SCD5: variants seen among roughly 807,000 people sequenced by gnomAD.
SCD5 encodes the protein acyl-CoA-desaturase 4.
Under a neutral mutation model 30.4 loss-of-function variants are expected in SCD5, and 20 were observed. The observed-to-expected ratio is 0.66, with a 90% confidence interval of 0.46 to 0.96. The LOEUF (loss-of-function observed/expected upper bound fraction) is 0.96. Ranked by LOEUF, SCD5 falls within the 40% of genes least tolerant of loss-of-function variation. The pLI, the probability that SCD5 is intolerant of heterozygous loss-of-function variation, is 0.00. For synonymous variants in SCD5, 173 were observed against 176.4 expected, an observed-to-expected ratio of 0.98 and a Z score of 0.16; for missense variants, 381 against 443.3, an observed-to-expected ratio of 0.86 and a Z score of 1.26.
chr4:82,699,340 T>C (rs1216041044), intron 2 of SCD5, among the ~76,000 whole-genome samples: 1 of 152,188 alleles, frequency 6.6e-6, no homozygotes, highest in Non-Finnish European at 1.5e-5. Context: ...TTTTCTCGCC[T>C]ATCAAATGAG....
At chr4:82,681,299 C>T (rs1380794609) in intron 2 of SCD5, among the ~76,000 whole-genome samples, 2 of 152,104 alleles carry the variant, frequency 1.3e-5, no homozygotes, top group Admixed American at 6.5e-5. Flanking sequence ...TGTAAACATA[C>T]CACATTTTCT....
chr4:82,789,151 G>C (rs1189410654), intron 1 of SCD5, among the ~76,000 whole-genome samples: 1 of 152,142 alleles, frequency 6.6e-6, no homozygotes, highest in Non-Finnish European at 1.5e-5. Context: ...CATGCACAGA[G>C]TCTCCTTGCT....
chr4:82,656,580 T>C (rs962573923), intron 3 of SCD5, among the ~76,000 whole-genome samples: 11 of 152,238 alleles, frequency 7.2e-5, no homozygotes, highest in Non-Finnish European at 1.2e-4. Context: ...TGTGTCTTTA[T>C]AGTAGAATGA....
intron 3 of SCD5, among the ~76,000 whole-genome samples, chr4:82,645,971 A>G (rs934673481): frequency 1.3e-5 from 2 of 152,174 alleles, no homozygotes; most frequent in African/African-American, 4.8e-5. Flanking sequence ...CCCTAAACAC[A>G]GCAGTCCAGA....
chr4:82,789,234 C>A (rs1722049673), intron 1 of SCD5, among the ~76,000 whole-genome samples: 1 of 152,142 alleles, frequency 6.6e-6, no homozygotes, highest in Non-Finnish European at 1.5e-5. Context: ...CTGCTGCCGG[C>A]TGAAAGATTT....
At chr4:82,648,818 T>C (rs985294793) in intron 3 of SCD5, among the ~76,000 whole-genome samples, 5 of 152,104 alleles carry the variant, frequency 3.3e-5, no homozygotes, top group African/African-American at 1.2e-4. Context: ...CAAGAACACA[T>C]GGGCTCTCGG....
At chr4:82,646,184 G>A (rs1490314283) in intron 3 of SCD5, among the ~76,000 whole-genome samples, 7 of 152,136 alleles carry the variant, frequency 4.6e-5, no homozygotes, top group Non-Finnish European at 1.0e-4. Flanking sequence ...TAACATGTTT[G>A]GATTTTTATT....
intron 3 of SCD5, among the ~76,000 whole-genome samples, chr4:82,671,525 G>C (rs1238870018): frequency 1.3e-5 from 2 of 152,096 alleles, no homozygotes; most frequent in Non-Finnish European, 2.9e-5. Flanking sequence ...TAAAAGAATA[G>C]AAATTATACA....
intron 3 of SCD5, among the ~76,000 whole-genome samples, chr4:82,653,956 C>A (rs1339921925): frequency 6.6e-6 from 1 of 151,184 alleles, no homozygotes; most frequent in Non-Finnish European, 1.5e-5. Context: ...CCTGCTCTGT[C>A]ACCCAGGCTG....
At chr4:82,742,682 G>A (rs1720901567) in intron 1 of SCD5, among the ~76,000 whole-genome samples, 1 of 152,192 alleles carries the variant, frequency 6.6e-6, no homozygotes, top group African/African-American at 2.4e-5. Flanking sequence ...AGCTACTCAG[G>A]TGGCTGAGGC....
intron 1 of SCD5, among the ~76,000 whole-genome samples, chr4:82,796,656 TCTGAACACCACAG>T (rs1298502087): frequency 1.3e-5 from 2 of 152,106 alleles, no homozygotes; most frequent in Non-Finnish European, 2.9e-5. Flanking sequence ...CTGAGCACTC[TCTGAACACCACAG>T]CTATTAAAGA....
intron 1 of SCD5, among the ~76,000 whole-genome samples, chr4:82,734,669 TC>T (rs2148836775): frequency 6.6e-6 from 1 of 152,112 alleles, no homozygotes; most frequent in African/African-American, 2.4e-5. Context: ...TAACTTCTCA[TC>T]CTGCCATGTA....
intron 1 of SCD5, among the ~76,000 whole-genome samples, chr4:82,706,545 T>G (rs978136208): frequency 1.3e-5 from 2 of 152,262 alleles, no homozygotes; most frequent in Non-Finnish European, 2.9e-5. Flanking sequence ...AATTTGGCCA[T>G]GTGACCTGGC....
rs544446052 is a variant in SCD5, at chr4:82,732,133, C to T, written c.233-26720G>A. The stretch of plus-strand genomic sequence containing the variant: ...TTTTCTTTTTTGAGACGGAGTCTTG[C>T]TCTGTCACCCAGGCTGGAGTGCAGT... On this transcript the variant is annotated intron_variant, in intron 1 of 4. Transcript: ENST00000319540. Among the ~76,000 whole-genome samples the T allele has an allele frequency of 1.3e-3, 198 of 152,128 alleles. 1 individual carries two copies. Among genetic ancestry groups the T allele is most frequent in the African/African-American group, 4.7e-3 (193 of 41,496 alleles).
At chr4:82,658,026 T>G (rs965454945) in intron 3 of SCD5, among the ~76,000 whole-genome samples, 1 of 152,222 alleles carries the variant, frequency 6.6e-6, no homozygotes, top group African/African-American at 2.4e-5. Context: ...AAATATACAA[T>G]CATGTCATCT....
intron 1 of SCD5, among the ~76,000 whole-genome samples, chr4:82,709,379 C>T (rs1720034396): frequency 6.6e-6 from 1 of 152,150 alleles, no homozygotes; most frequent in Non-Finnish European, 1.5e-5. Context: ...GAGCTCAGAA[C>T]TGGGAGTTTA....
At chr4:82,647,910 AT>A (rs11438257) in intron 3 of SCD5, among the ~76,000 whole-genome samples, 1 of 152,210 alleles carries the variant, frequency 6.6e-6, no homozygotes, top group African/African-American at 2.4e-5. Flanking sequence ...ATCATTACTC[AT>A]TTTTTTTGCC....
At chr4:82,680,683 T>C in intron 3 of SCD5, 24 bp downstream of exon 3, 1 of 1,611,724 alleles carries the variant, frequency 6.2e-7, no homozygotes. Context: ...GAGGGACAGC[T>C]CTCCGTCATG....
intron 1 of SCD5, among the ~76,000 whole-genome samples, chr4:82,727,401 C>G (rs1367660463): frequency 6.6e-6 from 1 of 152,206 alleles, no homozygotes; most frequent in African/African-American, 2.4e-5. Flanking sequence ...ACACACTCAT[C>G]CTCACCCTCT....
Sources: gnomAD v4.1 joint callset for allele counts (sites outside exome capture counted in the v4.1 genomes callset) on GRCh38, gnomAD v4.1.1 for gene constraint, MANE v1.5 for transcripts, NCBI Gene and HGNC (gene_info 2026-07-23, HGNC 2026-07-21) for gene names.